Variants in TES observed in about 807,000 individuals in gnomAD.
TES encodes the protein testin LIM domain protein, also known as testin.
A neutral mutation model predicts 48.2 loss-of-function variants in TES; 41 were observed. That is an observed-to-expected ratio of 0.85 (90% CI 0.66 to 1.10). The LOEUF is 1.10. Ranked by LOEUF, TES falls within the 50% of genes least tolerant of loss-of-function variation. The pLI is 0.00. For missense variants in TES, 463 were observed against 515.1 expected (o/e 0.90, Z 0.98); for synonymous variants, 162 against 174.9 (o/e 0.93, Z 0.58).
At chr7:116,241,321 G>C (rs1799845471) in intron 2 of TES, among the ~76,000 whole-genome samples, 1 of 152,196 alleles carries the variant, frequency 6.6e-6, no homozygotes, top group Non-Finnish European at 1.5e-5. Flanking sequence ...CCTAAAACTA[G>C]GTAAGTGGTA....
At chr7:116,221,765 A>G (rs1799560912) in intron 1 of TES, among the ~76,000 whole-genome samples, 2 of 152,148 alleles carry the variant, frequency 1.3e-5, no homozygotes, top group Admixed American at 6.5e-5. Context: ...TCTGCTCTAG[A>G]CGAATCTGAT....
At chr7:116,226,107 G>A (rs1178843441) in intron 1 of TES, among the ~76,000 whole-genome samples, 1 of 152,128 alleles carries the variant, frequency 6.6e-6, no homozygotes, top group African/African-American at 2.4e-5. Context: ...TTTTGTGTGT[G>A]TGTAAAAAGG....
rs766616109 is a variant in TES, at chr7:116,250,025, A to G, written c.367-136A>G. ...ACCGTTTTTGAGTTTTAACTTCTTA[A>G]TATACTGTGAGGGTGAGTTGCTGCT... On this transcript the variant is annotated intron_variant, in intron 3 of 6. Transcript: ENST00000358204. 28 of 566,234 alleles carry G rather than the reference A, an allele frequency of 4.9e-5. No individual in the cohort carries two copies. In the Middle Eastern group the frequency reaches 1.5e-3, roughly 30 times the overall value. 35.1% of individuals were successfully genotyped at this position (566,234 alleles called of 1,614,324 possible).
intron 6 of TES, 170 bp downstream of exon 6, chr7:116,252,646 C>T (rs779041431): frequency 4.8e-5 from 40 of 838,756 alleles, no homozygotes; most frequent in Non-Finnish European, 7.0e-5. Flanking sequence ...ACAATACATG[C>T]ATTGACTATG....
At chr7:116,252,962 C>T (rs1800040628) in intron 6 of TES, among the ~76,000 whole-genome samples, 1 of 152,056 alleles carries the variant, frequency 6.6e-6, no homozygotes, top group African/African-American at 2.4e-5. Context: ...CAAAACTTGG[C>T]CTGCGTATTT....
intron 5 of TES, 114 bp downstream of exon 5, chr7:116,252,089 A>G: frequency 8.6e-7 from 1 of 1,161,998 alleles, no homozygotes; most frequent in African/African-American, 1.6e-5. Flanking sequence ...TTACATCCAA[A>G]GAAGTTTTAA....
chr7:116,215,741 G>T (rs1389174404), intron 1 of TES, among the ~76,000 whole-genome samples: 1 of 152,050 alleles, frequency 6.6e-6, no homozygotes, highest in Non-Finnish European at 1.5e-5. Context: ...GATGCTCGTG[G>T]TCTTTTCTCG....
At chr7:116,252,215 T>G in intron 5 of TES, 103 bp from the exon 6 acceptor site, 1 of 1,284,074 alleles carries the variant, frequency 7.8e-7, no homozygotes, top group Admixed American at 2.7e-5. Context: ...AGTTCAAGCT[T>G]TAGGTTATCA....
rs1421940165 is a variant in TES at position 116,258,733 on chromosome 7, A to G, written c.*1251A>G. On this transcript the variant is annotated 3_prime_UTR_variant, in exon 7 of 7. Coordinates refer to ENST00000358204, the MANE Select transcript of TES (RefSeq NM_015641.4). ...CATAGCTATGCACTATGAAAATTAA[A>G]TGGAATGAATGATATGTATATTACT... 6.6e-6 allele frequency: 1 copy of G among 152,664 alleles called. No homozygotes were observed. Among genetic ancestry groups the G allele is most frequent in the African/African-American group, 2.4e-5 (1 of 41,478 alleles). 9.5% of individuals were successfully genotyped at this position (152,664 alleles called of 1,614,324 possible).
intron 1 of TES, among the ~76,000 whole-genome samples, chr7:116,230,838 T>C (rs1282289634): frequency 2.0e-5 from 3 of 152,322 alleles, no homozygotes; most frequent in African/African-American, 7.2e-5. Flanking sequence ...TCCTCTGCCC[T>C]GAATGCACTT....
intron 6 of TES, among the ~76,000 whole-genome samples, chr7:116,256,275 C>T (rs1486200369): frequency 6.6e-6 from 1 of 151,810 alleles, no homozygotes; most frequent in Non-Finnish European, 1.5e-5. Flanking sequence ...AGTAAGGAGG[C>T]TCAAGCTGAA....
chr7:116,258,432 A>AAC lies in TES; in HGVS notation c.*950_*951insAC, dbSNP rs1226084822. The AAC allele has an allele frequency of 6.6e-6, 1 of 152,590 alleles. No homozygotes were observed. Among genetic ancestry groups the AAC allele is most frequent in the East Asian group, 1.9e-4 (1 of 5,192 alleles). The allele number at this position is 152,590 out of a possible 1,614,324, so 9.5% of individuals were successfully genotyped here. A position where few individuals can be genotyped will look rare whatever the true frequency, so the allele number is the denominator to read the frequency against. On this transcript the variant is annotated 3_prime_UTR_variant, in exon 7 of 7. Coordinates refer to ENST00000358204, the MANE Select transcript of TES (RefSeq NM_015641.4). ...TGACCCACACACTTTTTACTTGTAT[A>AAC]GATGATTTTTGGCTTGGACATAAAA...
intron 6 of TES, among the ~76,000 whole-genome samples, chr7:116,255,966 A>G (rs751607953): frequency 6.6e-6 from 1 of 152,254 alleles, no homozygotes; most frequent in Non-Finnish European, 1.5e-5. Context: ...TAATAAAGCT[A>G]TAAAAATATA....
intron 1 of TES, among the ~76,000 whole-genome samples, chr7:116,232,962 G>T (rs970000391): frequency 1.3e-5 from 2 of 152,126 alleles, no homozygotes; most frequent in African/African-American, 4.8e-5. Flanking sequence ...AAAAGGATGT[G>T]GTCATTTTCT....
intron 6 of TES, among the ~76,000 whole-genome samples, chr7:116,253,822 C>A (rs1800053938): frequency 6.6e-6 from 1 of 152,084 alleles, no homozygotes; most frequent in Admixed American, 6.6e-5. Flanking sequence ...TTCCTCCAGA[C>A]TCTCCATGTT....
chr7:116,245,299 A>G (rs1584625093), intron 2 of TES, among the ~76,000 whole-genome samples: 1 of 152,098 alleles, frequency 6.6e-6, no homozygotes, highest in Non-Finnish European at 1.5e-5. Context: ...TTCTTCCACC[A>G]GACAACCTAA....
chr7:116,235,679 GA>G (rs1400138970), intron 2 of TES, among the ~76,000 whole-genome samples: 2 of 150,450 alleles, frequency 1.3e-5, no homozygotes, highest in African/African-American at 4.9e-5. Flanking sequence ...GAATTAGCAG[GA>G]AAAAAAAATA....
intron 1 of TES, among the ~76,000 whole-genome samples, chr7:116,227,334 G>A (rs1033937367): frequency 2.6e-5 from 4 of 151,520 alleles, no homozygotes; most frequent in African/African-American, 9.7e-5. Context: ...ATCTTGGCCA[G>A]GCTGGTCTTG....
chr7:116,254,754 A>ATGTG (rs562076686), intron 6 of TES, among the ~76,000 whole-genome samples: 2,032 of 119,142 alleles, frequency 0.017, 26 homozygotes, highest in South Asian at 0.065. Flanking sequence ...AAAAATATAT[A>ATGTG]TATATGTGTG....
Sources: gnomAD v4.1 joint callset for allele counts (sites outside exome capture counted in the v4.1 genomes callset) on GRCh38, gnomAD v4.1.1 for gene constraint, MANE v1.5 for transcripts, NCBI Gene and HGNC (gene_info 2026-07-23, HGNC 2026-07-21) for gene names.